Variants in ST7 observed in about 807,000 individuals in gnomAD.
ST7 encodes the protein suppressor of tumorigenicity 7 protein.
In ST7, 28 loss-of-function variants were observed where a neutral mutation model predicts 78.7. That is an observed-to-expected ratio of 0.36 (90% confidence interval 0.26 to 0.49). The LOEUF (loss-of-function observed/expected upper bound fraction) is 0.49, where lower values mean the gene tolerates loss of function less well. Among genes scored for constraint, ST7 ranks in the 20% least tolerant of loss-of-function variants. ST7 has a pLI of 0.99. For synonymous variants in ST7, 247 were observed against 249.6 expected, an observed-to-expected ratio of 0.99 and a Z score of 0.10; for missense variants, 418 against 696.0, an observed-to-expected ratio of 0.60 and a Z score of 4.49.
chr7:117,137,547 C>T (rs1804894049), intron 8 of ST7, among the ~76,000 whole-genome samples: 1 of 152,140 alleles, frequency 6.6e-6, no homozygotes, highest in Non-Finnish European at 1.5e-5. Flanking sequence ...AATATAATCA[C>T]ATTTTTAAAA....
chr7:117,057,325 A>G (rs1267503244), intron 1 of ST7, among the ~76,000 whole-genome samples: 1 of 152,166 alleles, frequency 6.6e-6, no homozygotes, highest in Non-Finnish European at 1.5e-5. Context: ...TAAAACTAAA[A>G]CTAGATTTGA....
At chr7:117,045,092 T>C (rs1292321488) in intron 1 of ST7, among the ~76,000 whole-genome samples, 1 of 152,128 alleles carries the variant, frequency 6.6e-6, no homozygotes, top group Non-Finnish European at 1.5e-5. Flanking sequence ...CCTTCAAATG[T>C]ATCACCATTG....
intron 12 of ST7, chr7:117,199,087 T>C (rs1563161847): frequency 6.6e-6 from 1 of 152,240 alleles, no homozygotes; most frequent in Non-Finnish European, 1.5e-5. Flanking sequence ...CTTCTACCAA[T>C]TGGAGCTGGG....
At chr7:117,019,254 T>C (rs950939874) in intron 1 of ST7, among the ~76,000 whole-genome samples, 2 of 152,238 alleles carry the variant, frequency 1.3e-5, no homozygotes, top group Non-Finnish European at 2.9e-5. Flanking sequence ...TGCATTTCAG[T>C]ATTTTAAAAA....
At chr7:117,174,148 T>C (rs1808195395) in intron 10 of ST7, among the ~76,000 whole-genome samples, 1 of 152,218 alleles carries the variant, frequency 6.6e-6, no homozygotes, top group Non-Finnish European at 1.5e-5. Context: ...CTTCTAATGC[T>C]TTATTATTCC....
chr7:117,020,270 T>C, intron 1 of ST7: 1 of 341,548 alleles, frequency 2.9e-6, no homozygotes, highest in South Asian at 5.4e-5. Context: ...TTGCTGCTGC[T>C]CCCAGTCCTG....
intron 1 of ST7, among the ~76,000 whole-genome samples, chr7:116,990,390 G>T (rs1372360374): frequency 6.6e-6 from 1 of 151,914 alleles, no homozygotes; most frequent in Non-Finnish European, 1.5e-5. Flanking sequence ...AGCTCTGCTT[G>T]TGCCTAGGAA....
intron 1 of ST7, among the ~76,000 whole-genome samples, chr7:117,086,869 G>A (rs1800186910): frequency 6.6e-6 from 1 of 152,198 alleles, no homozygotes. Flanking sequence ...GCCAAACGTA[G>A]TTATTGGAAT....
chr7:117,004,019 A>G (rs1242852250), intron 1 of ST7, among the ~76,000 whole-genome samples: 1 of 152,224 alleles, frequency 6.6e-6, no homozygotes, highest in Non-Finnish European at 1.5e-5. Flanking sequence ...AATTGAAAAG[A>G]CTAAATTTTA....
chr7:116,958,054 A>G (rs1792608025), intron 1 of ST7, among the ~76,000 whole-genome samples: 1 of 152,034 alleles, frequency 6.6e-6, no homozygotes, highest in Non-Finnish European at 1.5e-5. Context: ...TGGTGCAGTC[A>G]CAGCTCACTG....
At chr7:117,198,234 G>A (rs1405875071) in intron 12 of ST7, 2 of 414,648 alleles carry the variant, frequency 4.8e-6, no homozygotes, top group East Asian at 7.4e-5. Flanking sequence ...ATTACATCGT[G>A]TAATTCATTC....
chr7:117,220,737 T>C (rs1459849607), intron 14 of ST7, among the ~76,000 whole-genome samples: 1 of 152,196 alleles, frequency 6.6e-6, no homozygotes, highest in Non-Finnish European at 1.5e-5. Context: ...GTGCTACCCA[T>C]AATTTGCACA....
intron 1 of ST7, among the ~76,000 whole-genome samples, chr7:116,986,163 A>C (rs1199503441): frequency 6.6e-6 from 1 of 152,212 alleles, no homozygotes; most frequent in Non-Finnish European, 1.5e-5. Flanking sequence ...ATTTCTCAAC[A>C]CTAAGAGCAT....
chr7:117,206,500 G>C (rs1791774189), intron 12 of ST7, among the ~76,000 whole-genome samples: 1 of 152,042 alleles, frequency 6.6e-6, no homozygotes, highest in African/African-American at 2.4e-5. Flanking sequence ...ACAAAGATTG[G>C]AGAGAACTTA....
chr7:117,099,059 AAAAAAAC>A (rs1239938192), intron 1 of ST7, among the ~76,000 whole-genome samples: 10 of 144,248 alleles, frequency 6.9e-5, no homozygotes, highest in South Asian at 4.5e-4. Context: ...AAAAAAAAAA[AAAAAAAC>A]AAAAAAAAAA....
chr7:117,066,764 C>CA (rs35246518), intron 1 of ST7, among the ~76,000 whole-genome samples: 13,600 of 74,080 alleles, frequency 0.18, 1,165 homozygotes, highest in East Asian at 0.34. Flanking sequence ...GACTCCGTCT[C>CA]AAAAAAAAAA....
chr7:117,018,484 AT>A (rs537816496), intron 1 of ST7, among the ~76,000 whole-genome samples: 16 of 150,364 alleles, frequency 1.1e-4, no homozygotes, highest in South Asian at 2.1e-4. Flanking sequence ...TCTTTTAACG[AT>A]TTTTTTTCTT....
In ST7 at chr7:116,953,694, A is replaced by G. The variant is rs752493455; in HGVS notation, c.151+3A>G. 8.2e-6 allele frequency: 12 copies of G among 1,459,974 alleles called. No homozygotes were observed. Among genetic ancestry groups the G allele is most frequent in the Non-Finnish European group, 5.5e-6 (6 of 1,088,240 alleles). 90.4% of individuals were successfully genotyped at this position (1,459,974 alleles called of 1,614,324 possible). On this transcript the variant is annotated splice_donor_region_variant and intron_variant, in intron 1 of 15. Coordinates refer to ENST00000323984, the MANE Select transcript of ST7 (RefSeq NM_001369598.1). ...AATCAACGACAACTTGAGCACAGGT[A>G]AGGCCTGGGAGCCGGGCCCGCGGCG...
chr7:117,167,599 C>A (rs1276276041), intron 9 of ST7, among the ~76,000 whole-genome samples: 1 of 151,914 alleles, frequency 6.6e-6, no homozygotes, highest in Non-Finnish European at 1.5e-5. Context: ...AAGTCATCCC[C>A]ATGGAGATGC....
Sources: allele counts gnomAD v4.1 joint callset (sites outside exome capture counted in the v4.1 genomes callset), GRCh38; gene constraint gnomAD v4.1.1; transcripts MANE v1.5; gene names NCBI Gene and HGNC (gene_info 2026-07-23, HGNC 2026-07-21).